Variants in ABI3BP observed in about 807,000 individuals in gnomAD.
ABI3BP encodes ABI family member 3 binding protein.
In ABI3BP, 216 loss-of-function variants were observed where a neutral mutation model predicts 268.6. The observed-to-expected ratio is 0.80, with a 90% CI of 0.72 to 0.90. ABI3BP has a LOEUF of 0.90. ABI3BP is among the 40% of genes least tolerant of loss of function. ABI3BP has a pLI of 0.00. For synonymous variants in ABI3BP, 730 were observed against 730.0 expected, an observed-to-expected ratio of 1.00 and a Z score of 0.00; for missense variants, 2,090 against 2,182.4, an observed-to-expected ratio of 0.96 and a Z score of 0.84.
chr3:100,863,819 A>C, intron 12 of ABI3BP, 183 bp downstream of exon 12: 1 of 555,224 alleles, frequency 1.8e-6, no homozygotes, highest in Non-Finnish European at 3.2e-6. Flanking sequence ...GACCACTTAA[A>C]AGAAAAACAA....
In ABI3BP at chr3:100,781,478, C is replaced by G. The variant is rs1437058553; in HGVS notation, c.4163-1269G>C. On this transcript the variant is annotated intron_variant, in intron 57 of 67. Transcript: ENST00000471714. Reference sequence around the variant, plus strand: ...TTTCTGGGGGCAATGACTTTTGTGACTAATCTCATAGGCAGGCCACAGGCA... The same window carrying G: ...TTTCTGGGGGCAATGACTTTTGTGAGTAATCTCATAGGCAGGCCACAGGCA... Among the ~76,000 whole-genome samples, 4 of 152,266 alleles carry G rather than the reference C, an allele frequency of 2.6e-5. No homozygotes were observed. In the East Asian group the frequency reaches 5.8e-4, roughly 22 times the overall value.
At chr3:100,793,169 T>C (rs756024785) in intron 54 of ABI3BP, among the ~76,000 whole-genome samples, 14 of 151,950 alleles carry the variant, frequency 9.2e-5, no homozygotes, top group South Asian at 2.1e-4. Flanking sequence ...GTATATCATA[T>C]GAAAAGATGT....
chr3:100,765,805 T>A (rs772327110), intron 63 of ABI3BP, 36 bp downstream of exon 63: 1 of 1,459,836 alleles, frequency 6.9e-7, no homozygotes, highest in Non-Finnish European at 9.5e-7. Flanking sequence ...ACTTTTGCAC[T>A]CTCAGAATTT....
At position 100,770,782 on chromosome 3, in the gene ABI3BP, T is replaced by G; in HGVS notation, c.4702A>C (p.Ile1568Leu). ...VTVEGCPSFV[I>L]LDWEKPLNDT... ...TTTAGTGGCTTTTCCCAGTCCAAGA[T>G]GACAAATGAGGGGCACCCTTCCACG... Residue 1568 changes from isoleucine to leucine, a missense_variant, in exon 62 of 68, where the codon ATC (isoleucine) becomes CTC (leucine). Physicochemically the swap from Ile to Leu is conservative, Grantham distance 5. Transcript: ENST00000471714. The G allele has an allele frequency of 6.4e-7, 1 of 1,557,122 alleles. No individual in the cohort carries two copies. Among genetic ancestry groups the G allele is most frequent in the Non-Finnish European group, 8.7e-7 (1 of 1,150,558 alleles).
At chr3:100,958,305 T>C (rs969051421) in intron 1 of ABI3BP, among the ~76,000 whole-genome samples, 1 of 152,086 alleles carries the variant, frequency 6.6e-6, no homozygotes, top group Non-Finnish European at 1.5e-5. Context: ...AGAGATAAAG[T>C]GAGTGTGGAG....
chr3:100,886,685 C>T (rs1230696599), intron 4 of ABI3BP, among the ~76,000 whole-genome samples: 1 of 151,636 alleles, frequency 6.6e-6, no homozygotes, highest in East Asian at 1.9e-4. Flanking sequence ...ACATAGGTGC[C>T]ATTTTATAAT....
chr3:100,844,458 C>G (rs1361251749), intron 20 of ABI3BP: 2 of 985,184 alleles, frequency 2.0e-6, no homozygotes, highest in Non-Finnish European at 2.4e-6. Flanking sequence ...AACCACCAAG[C>G]AAAGCCAAAG....
chr3:100,974,305 G>GATTGGTCATGC (rs2085041143), intron 1 of ABI3BP, among the ~76,000 whole-genome samples: 1 of 152,140 alleles, frequency 6.6e-6, no homozygotes, highest in African/African-American at 2.4e-5. Context: ...ACCTATGTAA[G>GATTGGTCATGC]CAAGTGCTTA....
rs2098736634 is a variant in ABI3BP at position 100,843,748 on chromosome 3, A to G, written c.1724-1709T>C. The G allele has an allele frequency of 3.1e-6, 3 of 982,164 alleles. No individual in the cohort carries two copies. In the African/African-American group the frequency reaches 5.2e-5, roughly 17 times the overall value. 60.8% of individuals were successfully genotyped at this position (982,164 alleles called of 1,614,324 possible). On this transcript the variant is annotated intron_variant, in intron 20 of 67. Transcript: ENST00000471714. Reference sequence around the variant, plus strand: ...AACATCAATACATGAAATACAATAAATATCAAATAAGCATTCATACCTGAA... The same window carrying G: ...AACATCAATACATGAAATACAATAAGTATCAAATAAGCATTCATACCTGAA...
chr3:100,890,518 T>C (rs1459583580), intron 4 of ABI3BP, among the ~76,000 whole-genome samples: 1 of 152,142 alleles, frequency 6.6e-6, no homozygotes, highest in Admixed American at 6.5e-5. Context: ...CTTACGGACC[T>C]TCCCGAGTCT....
intron 1 of ABI3BP, among the ~76,000 whole-genome samples, chr3:100,961,448 A>G (rs1394886816): frequency 6.6e-6 from 1 of 152,244 alleles, no homozygotes; most frequent in African/African-American, 2.4e-5. Flanking sequence ...TCCCCCATTT[A>G]GAAAGAAATG....
At chr3:100,895,516 T>C (rs2047264784) in intron 4 of ABI3BP, among the ~76,000 whole-genome samples, 1 of 152,184 alleles carries the variant, frequency 6.6e-6, no homozygotes, top group Non-Finnish European at 1.5e-5. Flanking sequence ...TTGCACAGGA[T>C]AAATGAGGCT....
At chr3:100,878,904 C>A (rs1022384171) in intron 6 of ABI3BP, among the ~76,000 whole-genome samples, 5 of 152,264 alleles carry the variant, frequency 3.3e-5, no homozygotes, top group Non-Finnish European at 7.4e-5. Flanking sequence ...TTTCTTTCTT[C>A]ATAATTGTAT....
rs1193966630 is a variant in ABI3BP, at chr3:100,830,580, G to A, written c.2456C>T (p.Ala819Val). The stretch of plus-strand genomic sequence containing the variant: ...TGATGGACATAATGTGCCATTACCT[G>A]CTGTTGTCCCTGAAGCCTCAGTTCT... ...VLRTEASGTT[A>V]APKVPQRTHR... The change falls in exon 32 of 68, where the codon GCA becomes GTA. Residue 819 changes from alanine (A) to valine (V), a missense_variant and splice_region_variant. Transcript: ENST00000471714. 4.6e-6 allele frequency: 7 copies of A among 1,533,804 alleles called. No individual in the cohort carries two copies. The highest frequency in any genetic ancestry group is 4.4e-6 in the Non-Finnish European group (5 of 1,145,526).
chr3:100,927,747 C>T (rs962396194), intron 1 of ABI3BP, among the ~76,000 whole-genome samples: 3 of 152,090 alleles, frequency 2.0e-5, no homozygotes, highest in Admixed American at 6.6e-5. Flanking sequence ...TCCCACCAGG[C>T]CTTACCTCTA....
chr3:100,949,919 T>C (rs2576389), intron 1 of ABI3BP, among the ~76,000 whole-genome samples: 91,753 of 152,060 alleles, frequency 0.6, 28,319 homozygotes, highest in East Asian at 0.91. Flanking sequence ...GTTCAACTGT[T>C]ATATGGATAA....
At chr3:100,958,912 G>C (rs1259448258) in intron 1 of ABI3BP, among the ~76,000 whole-genome samples, 1 of 152,176 alleles carries the variant, frequency 6.6e-6, no homozygotes, top group Non-Finnish European at 1.5e-5. Flanking sequence ...GAAAAGATCG[G>C]AAGCAGCAAG....
chr3:100,844,046 A>T (rs1232588437), intron 20 of ABI3BP: 1 of 981,112 alleles, frequency 1.0e-6, no homozygotes, highest in African/African-American at 1.8e-5. Flanking sequence ...GTTTAGTAAA[A>T]ATAAATATAT....
At chr3:100,856,644 T>C (rs1263013015) in intron 14 of ABI3BP, among the ~76,000 whole-genome samples, 1 of 152,182 alleles carries the variant, frequency 6.6e-6, no homozygotes, top group Non-Finnish European at 1.5e-5. Flanking sequence ...TTTGCAAGCA[T>C]TGTCTTTATT....
Sources: allele counts gnomAD v4.1 joint callset (sites outside exome capture counted in the v4.1 genomes callset), GRCh38; gene constraint gnomAD v4.1.1; transcripts MANE v1.5; gene names NCBI Gene and HGNC (gene_info 2026-07-23, HGNC 2026-07-21).